FOXP2: variants seen among roughly 807,000 people sequenced by gnomAD.
FOXP2 encodes forkhead box protein P2.
In FOXP2, 12 loss-of-function variants were observed where a neutral mutation model predicts 115.8. That is an observed-to-expected ratio of 0.10 (90% confidence interval 0.07 to 0.17). The LOEUF is 0.17. FOXP2 is among the 10% of genes least tolerant of loss of function. The pLI is 1.00. For missense variants in FOXP2, 629 were observed against 843.5 expected, an observed-to-expected ratio of 0.75 and a Z score of 3.15; for synonymous variants, 328 against 297.7, an observed-to-expected ratio of 1.10 and a Z score of -1.05.
At chr7:114,107,296 C>T (rs1194827738) in intron 1 of FOXP2, among the ~76,000 whole-genome samples, 3 of 152,002 alleles carry the variant, frequency 2.0e-5, no homozygotes, top group Admixed American at 2.0e-4. Context: ...AAATCCTCTC[C>T]TTTCTGTCTA....
At chr7:114,173,659 G>T (rs1454083487) in intron 1 of FOXP2, among the ~76,000 whole-genome samples, 1 of 150,536 alleles carries the variant, frequency 6.6e-6, no homozygotes, top group Non-Finnish European at 1.5e-5. Flanking sequence ...CTATGATTTT[G>T]ATTTGTCTTG....
At chr7:114,466,887 G>A (rs1795820123) in intron 2 of FOXP2, among the ~76,000 whole-genome samples, 1 of 152,158 alleles carries the variant, frequency 6.6e-6, no homozygotes, top group Non-Finnish European at 1.5e-5. Flanking sequence ...ATAGAGCAAG[G>A]ACACTTTTCA....
rs536773103 is a variant in FOXP2, at chr7:114,123,466, G to T, written c.-247+35628G>T. Among the ~76,000 whole-genome samples, 7 of 151,784 alleles carry T rather than the reference G, an allele frequency of 4.6e-5. No individual in the cohort carries two copies. In the South Asian group the frequency reaches 1.5e-3, roughly 32 times the overall value. ...TATATTACATTGTAATGAAAATATT[G>T]ATTTTTAAAGCAAAATTGTAATGAA... On this transcript the variant is annotated intron_variant, in intron 1 of 19. Transcript: ENST00000635638.
intron 1 of FOXP2, among the ~76,000 whole-genome samples, chr7:114,100,826 CT>C (rs1790924302): frequency 2.0e-5 from 3 of 152,132 alleles, no homozygotes; most frequent in African/African-American, 7.2e-5. Flanking sequence ...TAAGCAGGCA[CT>C]TTTCTAAGCA....
At chr7:114,676,431 G>A (rs1002542146) in intron 16 of FOXP2, among the ~76,000 whole-genome samples, 1 of 152,280 alleles carries the variant, frequency 6.6e-6, no homozygotes, top group Admixed American at 6.5e-5. Context: ...GTATGTGTAA[G>A]TTCATTTGAC....
chr7:114,107,132 G>A (rs1355876895), intron 1 of FOXP2, among the ~76,000 whole-genome samples: 1 of 151,904 alleles, frequency 6.6e-6, no homozygotes, highest in Non-Finnish European at 1.5e-5. Context: ...CCTGTTCTGA[G>A]GACCTGTTCC....
At chr7:114,320,498 C>A (rs1428727848) in intron 2 of FOXP2, among the ~76,000 whole-genome samples, 1 of 152,120 alleles carries the variant, frequency 6.6e-6, no homozygotes, top group Non-Finnish European at 1.5e-5. Context: ...ATTGTAACTT[C>A]TTTGTTTATT....
At chr7:114,553,330 T>A (rs962937744) in intron 3 of FOXP2, among the ~76,000 whole-genome samples, 4 of 152,180 alleles carry the variant, frequency 2.6e-5, no homozygotes, top group Admixed American at 2.6e-4. Context: ...TAAACTTCAA[T>A]TATTTTGTTT....
At chr7:114,600,949 T>A (rs184125203) in intron 3 of FOXP2, among the ~76,000 whole-genome samples, 80 of 151,334 alleles carry the variant, frequency 5.3e-4, no homozygotes, top group African/African-American at 1.9e-3. Context: ...TGGCTTGTCT[T>A]GTCAGTATCT....
intron 2 of FOXP2, among the ~76,000 whole-genome samples, chr7:114,394,394 T>TAC (rs147854196): frequency 0.12 from 18,190 of 146,548 alleles, 1,135 homozygotes; most frequent in Middle Eastern, 0.18. Context: ...TATGAATCTA[T>TAC]ACACACACAC....
chr7:114,237,253 A>G (rs914244758), intron 1 of FOXP2, among the ~76,000 whole-genome samples: 2 of 152,206 alleles, frequency 1.3e-5, no homozygotes, highest in African/African-American at 4.8e-5. Context: ...GTTCAGATAA[A>G]GTGTTGAAGG....
At chr7:114,384,977 CT>C (rs36104170) in intron 2 of FOXP2, among the ~76,000 whole-genome samples, 96 of 148,726 alleles carry the variant, frequency 6.5e-4, no homozygotes, top group African/African-American at 7.7e-4. Flanking sequence ...ATAGGGCACA[CT>C]TTTTTTTTTA....
At chr7:114,536,004 G>A (rs1026542716) in intron 3 of FOXP2, among the ~76,000 whole-genome samples, 2 of 151,460 alleles carry the variant, frequency 1.3e-5, no homozygotes, top group Non-Finnish European at 3.0e-5. Flanking sequence ...TAATGGGAGC[G>A]TAGGTGTAGT....
At chr7:114,337,467 G>C (rs1376099808) in intron 2 of FOXP2, among the ~76,000 whole-genome samples, 1 of 151,088 alleles carries the variant, frequency 6.6e-6, no homozygotes, top group African/African-American at 2.4e-5. Flanking sequence ...TTTTTATGCT[G>C]TAATAGTCAT....
intron 2 of FOXP2, among the ~76,000 whole-genome samples, chr7:114,531,996 A>G (rs1799165325): frequency 1.3e-5 from 2 of 151,868 alleles, no homozygotes; most frequent in African/African-American, 4.8e-5. Flanking sequence ...AGCTTGGGAG[A>G]GAAGAGCCAG....
chr7:114,203,867 A>G (rs1444222272), intron 1 of FOXP2, among the ~76,000 whole-genome samples: 2 of 152,124 alleles, frequency 1.3e-5, no homozygotes, highest in African/African-American at 4.8e-5. Flanking sequence ...TTAACACCAT[A>G]AATAGAAAAA....
intron 16 of FOXP2, among the ~76,000 whole-genome samples, chr7:114,675,657 A>G (rs1287851995): frequency 6.6e-6 from 1 of 152,164 alleles, no homozygotes; most frequent in Non-Finnish European, 1.5e-5. Flanking sequence ...ATCTTGTGCC[A>G]AGTACTGAAG....
upstream of FOXP2, among the ~76,000 whole-genome samples, chr7:114,162,775 A>G (rs955521735): frequency 6.6e-6 from 1 of 152,070 alleles, no homozygotes; most frequent in Non-Finnish European, 1.5e-5. Flanking sequence ...AGTGGTGTTA[A>G]TTTAAATACT....
chr7:114,491,443 C>T (rs1382571028), intron 2 of FOXP2, among the ~76,000 whole-genome samples: 1 of 151,734 alleles, frequency 6.6e-6, no homozygotes, highest in Non-Finnish European at 1.5e-5. Flanking sequence ...AAATTTTCTC[C>T]CATTCTGTAG....
Sources: gnomAD v4.1 joint callset for allele counts (sites outside exome capture counted in the v4.1 genomes callset) on GRCh38, gnomAD v4.1.1 for gene constraint, MANE v1.5 for transcripts, NCBI Gene and HGNC (gene_info 2026-07-23, HGNC 2026-07-21) for gene names.